Variants in PCDH15 observed in about 807,000 individuals in gnomAD.
PCDH15 encodes the protein protocadherin related 15, also known as protocadherin-15.
PCDH15 carries 129 observed loss-of-function variants against 178.5 expected under a neutral mutation model. That is an observed-to-expected ratio of 0.72 (90% CI 0.63 to 0.84). The LOEUF (loss-of-function observed/expected upper bound fraction) is 0.84, where lower values mean the gene tolerates loss of function less well. Ranked by LOEUF, PCDH15 falls within the 40% of genes least tolerant of loss-of-function variation. PCDH15 has a pLI of 0.00. For synonymous variants in PCDH15, 800 were observed against 732.0 expected (o/e 1.09, Z -1.50); for missense variants, 2,230 against 2,099.9 (o/e 1.06, Z -1.21).
chr10:54,955,497 C>T (rs2131878827), intron 2 of PCDH15, among the ~76,000 whole-genome samples: 1 of 151,244 alleles, frequency 6.6e-6, no homozygotes, highest in South Asian at 2.1e-4. Flanking sequence ...TAAAATAGTA[C>T]CAATTGACAA....
intron 2 of PCDH15, among the ~76,000 whole-genome samples, chr10:54,535,951 T>C (rs1478969623): frequency 6.6e-6 from 1 of 152,212 alleles, no homozygotes; most frequent in Non-Finnish European, 1.5e-5. Flanking sequence ...TCATACCACA[T>C]GAGTTAGAAA....
At chr10:55,129,235 T>G (rs1467518032) in intron 2 of PCDH15, among the ~76,000 whole-genome samples, 1 of 152,116 alleles carries the variant, frequency 6.6e-6, no homozygotes, top group Admixed American at 6.6e-5. Context: ...ATGTCCCACT[T>G]GTAAGATTTG....
At chr10:55,155,187 C>T (rs938337645) in intron 2 of PCDH15, among the ~76,000 whole-genome samples, 3 of 152,030 alleles carry the variant, frequency 2.0e-5, no homozygotes, top group Admixed American at 6.6e-5. Flanking sequence ...GTAAGTGAGA[C>T]ATTACAGAAT....
At chr10:54,841,963 G>A (rs1335252136) in intron 3 of PCDH15, among the ~76,000 whole-genome samples, 1 of 151,754 alleles carries the variant, frequency 6.6e-6, no homozygotes, top group African/African-American at 2.4e-5. Context: ...GTTCTGTATT[G>A]CTTAAGTTCA....
At chr10:55,141,396 T>C (rs911177061) in intron 2 of PCDH15, among the ~76,000 whole-genome samples, 8 of 152,188 alleles carry the variant, frequency 5.3e-5, no homozygotes, top group African/African-American at 1.9e-4. Context: ...AAAAGGGATA[T>C]ATAGCCATTC....
At chr10:55,526,683 C>G (rs1275608502) in intron 2 of PCDH15, among the ~76,000 whole-genome samples, 1 of 152,024 alleles carries the variant, frequency 6.6e-6, no homozygotes, top group East Asian at 1.9e-4. Flanking sequence ...ACTCAAACAA[C>G]ACAATCAGGT....
chr10:53,928,099 A>T (rs1589462390), intron 25 of PCDH15, among the ~76,000 whole-genome samples: 1 of 152,198 alleles, frequency 6.6e-6, no homozygotes, highest in East Asian at 1.9e-4. Flanking sequence ...GTTACATAGG[A>T]TATGCCCAGT....
At chr10:55,528,649 C>T (rs1189235519) in intron 2 of PCDH15, among the ~76,000 whole-genome samples, 1 of 152,054 alleles carries the variant, frequency 6.6e-6, no homozygotes, top group Non-Finnish European at 1.5e-5. Context: ...GGGTTGGTTC[C>T]AAGCCTTTGC....
intron 3 of PCDH15, among the ~76,000 whole-genome samples, chr10:54,493,220 G>T (rs1246155085): frequency 6.6e-6 from 1 of 151,940 alleles, no homozygotes; most frequent in Non-Finnish European, 1.5e-5. Flanking sequence ...ATAGGGTTCA[G>T]TATTATCCAT....
intron 2 of PCDH15, chr10:54,654,773 G>C (rs76952217): frequency 6.6e-6 from 1 of 152,018 alleles, no homozygotes; most frequent in African/African-American, 2.4e-5. Flanking sequence ...TTAGAATGTG[G>C]GCATTTTTCA....
At chr10:55,190,262 A>AT (rs1449891459) in intron 1 of PCDH15, among the ~76,000 whole-genome samples, 2 of 90,914 alleles carry the variant, frequency 2.2e-5, no homozygotes, top group African/African-American at 3.5e-5. Context: ...CTCTGAAGTT[A>AT]TTAAAAAAAA....
intron 2 of PCDH15, among the ~76,000 whole-genome samples, chr10:54,971,850 A>G (rs1306523640): frequency 6.6e-6 from 1 of 152,224 alleles, no homozygotes; most frequent in African/African-American, 2.4e-5. Flanking sequence ...ATAGATTTCT[A>G]AATATAATTT....
At chr10:55,594,323 T>C (rs1404729582) in intron 2 of PCDH15, among the ~76,000 whole-genome samples, 1 of 151,894 alleles carries the variant, frequency 6.6e-6, no homozygotes, top group Non-Finnish European at 1.5e-5. Context: ...CATTTTAGAG[T>C]TGTTTGATGC....
At chr10:54,678,103 G>A (rs2135593399) in intron 1 of PCDH15, among the ~76,000 whole-genome samples, 1 of 152,224 alleles carries the variant, frequency 6.6e-6, no homozygotes, top group South Asian at 2.1e-4. Context: ...TCTCAAAAGA[G>A]AAATATTCAG....
At chr10:54,804,567 A>G (rs916408362), upstream of PCDH15, among the ~76,000 whole-genome samples, 1 of 152,076 alleles carries the variant, frequency 6.6e-6, no homozygotes, top group Non-Finnish European at 1.5e-5. Flanking sequence ...CCAAAAAAAA[A>G]GAAAATGAAT....
At chr10:54,462,476 C>CTTTCT (rs3070713) in intron 3 of PCDH15, among the ~76,000 whole-genome samples, 54,285 of 123,694 alleles carry the variant, frequency 0.44, 12,918 homozygotes, top group Middle Eastern at 0.56. Flanking sequence ...TCCTTTCTTT[C>CTTTCT]TTTCTTTTCT....
In PCDH15 at chr10:55,555,011, T is replaced by C. The variant is rs547765316; in HGVS notation, c.-156+72614A>G. 9.9e-5 allele frequency among the ~76,000 whole-genome samples: 15 copies of C among 152,206 alleles called. No homozygotes were observed. The South Asian group carries it at 2.7e-3, about 27-fold the overall frequency. ...AAGTCTAGAAAAGTTAATTAGAAGA[T>C]ATCAATTACTTCTTCCTTACTATTT... On this transcript the variant is annotated intron_variant, in intron 2 of 5. Coordinates refer to the PCDH15 transcript ENST00000613346.
chr10:55,251,070 C>T (rs997012566), intron 1 of PCDH15, among the ~76,000 whole-genome samples: 7 of 151,830 alleles, frequency 4.6e-5, no homozygotes, highest in African/African-American at 1.7e-4. Context: ...ACTCAATTTC[C>T]CCAAAAGGTA....
intron 28 of PCDH15, among the ~76,000 whole-genome samples, chr10:53,847,492 T>C (rs2078050181): frequency 6.6e-6 from 1 of 152,088 alleles, no homozygotes; most frequent in South Asian, 2.1e-4. Context: ...TCCTAAGTAG[T>C]GCTCTAGATG....
Sources: gnomAD v4.1 joint callset for allele counts (sites outside exome capture counted in the v4.1 genomes callset) on GRCh38, gnomAD v4.1.1 for gene constraint, MANE v1.5 for transcripts, NCBI Gene and HGNC (gene_info 2026-07-23, HGNC 2026-07-21) for gene names.